ZNF423: variants seen among roughly 807,000 people sequenced by gnomAD.
ZNF423 encodes zinc finger protein 423.
A neutral mutation model predicts 95.8 loss-of-function variants in ZNF423; 12 were observed. The ratio of observed to expected loss-of-function variants is 0.13; its 90% CI spans 0.08 to 0.20. The LOEUF (loss-of-function observed/expected upper bound fraction) is 0.20, where lower values mean the gene tolerates loss of function less well. ZNF423 is among the 10% of genes least tolerant of loss of function. The pLI is 1.00. For missense variants in ZNF423, 1,316 were observed against 1,737.1 expected (o/e 0.76, Z 4.31); for synonymous variants, 749 against 711.9 (o/e 1.05, Z -0.83).
chr16:49,562,122 G>A (rs1970035814), intron 5 of ZNF423, among the ~76,000 whole-genome samples: 1 of 152,140 alleles, frequency 6.6e-6, no homozygotes, highest in Admixed American at 6.5e-5. Context: ...TCCCTATATA[G>A]TCTCCCCAAA....
At chr16:49,739,382 A>C (rs1457576079) in intron 2 of ZNF423, among the ~76,000 whole-genome samples, 1 of 152,146 alleles carries the variant, frequency 6.6e-6, no homozygotes. Context: ...CAGGAGGACA[A>C]GGAATGTCAT....
chr16:49,528,372 G>T (rs1968700605), intron 5 of ZNF423, among the ~76,000 whole-genome samples: 1 of 152,158 alleles, frequency 6.6e-6, no homozygotes, highest in African/African-American at 2.4e-5. Flanking sequence ...GGAGCTGCAA[G>T]CCGTCCGGGG....
chr16:49,710,319 C>T (rs1461431650), intron 3 of ZNF423, among the ~76,000 whole-genome samples: 7 of 152,208 alleles, frequency 4.6e-5, no homozygotes, highest in Non-Finnish European at 1.0e-4. Flanking sequence ...GCCTATCCTT[C>T]CTAAAGTCCT....
chr16:49,823,677 G>A (rs2034972936), intron 1 of ZNF423, among the ~76,000 whole-genome samples: 1 of 152,118 alleles, frequency 6.6e-6, no homozygotes, highest in Non-Finnish European at 1.5e-5. Flanking sequence ...GGAGGCAGAG[G>A]AGACAGTAAG....
At chr16:49,808,497 CA>C (rs2143944016) in intron 1 of ZNF423, among the ~76,000 whole-genome samples, 1 of 152,330 alleles carries the variant, frequency 6.6e-6, no homozygotes, top group East Asian at 1.9e-4. Context: ...GCCTCCGGTG[CA>C]ATGTCCCATT....
intron 1 of ZNF423, among the ~76,000 whole-genome samples, chr16:49,827,323 G>C (rs1372888720): frequency 6.6e-6 from 1 of 151,190 alleles, no homozygotes; most frequent in Non-Finnish European, 1.5e-5. Flanking sequence ...TTGTCTTCCT[G>C]AGCCCTCGTC....
intron 3 of ZNF423, among the ~76,000 whole-genome samples, chr16:49,653,088 A>G (rs1024164874): frequency 6.6e-6 from 1 of 152,172 alleles, no homozygotes. Context: ...GATAATCCAC[A>G]TATTTAACGC....
At chr16:49,723,016 T>C (rs1596921567) in intron 3 of ZNF423, among the ~76,000 whole-genome samples, 2 of 148,468 alleles carry the variant, frequency 1.3e-5, no homozygotes, top group Admixed American at 6.8e-5. Context: ...AATGCAGTGG[T>C]GTGATCTCGG....
chr16:49,741,608 G>A (rs923242609), intron 2 of ZNF423, among the ~76,000 whole-genome samples: 3 of 152,200 alleles, frequency 2.0e-5, no homozygotes, highest in Non-Finnish European at 4.4e-5. Flanking sequence ...CACAGTATGG[G>A]CTAAACAATA....
chr16:49,624,308 C>T (rs1432064352), intron 5 of ZNF423, among the ~76,000 whole-genome samples: 3 of 152,034 alleles, frequency 2.0e-5, no homozygotes, highest in African/African-American at 2.4e-5. Context: ...CCCAGAAATT[C>T]GGGAGGCTGA....
In ZNF423 at chr16:49,660,990, G is replaced by A. The variant is rs143416711; in HGVS notation, c.302-22116C>T. On this transcript the variant is annotated intron_variant, in intron 3 of 7. Transcript: ENST00000563137. Reference sequence around the variant, plus strand: ...AATCCCAGCACTTTGGGAGGCCAAGGAGGGTGGATCACCTGAGGTTAGGCG... The same window carrying A: ...AATCCCAGCACTTTGGGAGGCCAAGAAGGGTGGATCACCTGAGGTTAGGCG... Among the ~76,000 whole-genome samples the A allele has an allele frequency of 3.3e-3, 505 of 152,238 alleles. 5 individuals carry two copies. The highest frequency in any genetic ancestry group is 0.011 in the African/African-American group (469 of 41,548).
rs184997970 is a variant in ZNF423 at position 49,524,863 on chromosome 16, C to T, written c.3733+500G>A. On this transcript the variant is annotated intron_variant, in intron 6 of 7. Coordinates refer to ENST00000563137, the MANE Select transcript of ZNF423 (RefSeq NM_001379286.1). ...GGCTGGGACAGCCATTCGCCTGGGC[C>T]GGCAGCCAGTCTGGGGGCTGGGAAC... is the stretch of plus-strand genomic sequence containing the variant. Among the ~76,000 whole-genome samples the T allele has an allele frequency of 3.7e-3, 567 of 152,240 alleles. 5 individuals carry two copies. The highest frequency in any genetic ancestry group is 7.0e-3 in the Non-Finnish European group (473 of 68,008).
chr16:49,758,605 G>A (rs1477317476), intron 2 of ZNF423, among the ~76,000 whole-genome samples: 2 of 152,112 alleles, frequency 1.3e-5, no homozygotes, highest in African/African-American at 4.8e-5. Context: ...ATCCAGGCAT[G>A]GTGGCATGCA....
At chr16:49,746,681 A>C (rs2033530975) in intron 2 of ZNF423, among the ~76,000 whole-genome samples, 1 of 152,144 alleles carries the variant, frequency 6.6e-6, no homozygotes, top group African/African-American at 2.4e-5. Flanking sequence ...TTAGCTGGCC[A>C]GGCAGGTCTG....
Position 49,535,204 on chromosome 16 carries a change from C to T in ZNF423, c.3602-9710G>A, listed in dbSNP as rs74954110. ...CGGGGCCCAGCCTGGATGGGATTAC[C>T]AGTGGAGGCTCCTTCCAGCTCTGAG... On this transcript the variant is annotated intron_variant, in intron 5 of 7. Transcript: ENST00000563137. 1.2e-3 allele frequency among the ~76,000 whole-genome samples: 178 copies of T among 152,320 alleles called. 4 individuals are homozygous for T. The East Asian group carries it at 0.032, about 27-fold the overall frequency.
rs747416859 is a variant in ZNF423, at chr16:49,636,191, C to G, written c.2985G>C (p.Thr995=). 6.2e-7 allele frequency: 1 copy of G among 1,613,370 alleles called. No individual in the cohort carries two copies. The highest frequency in any genetic ancestry group is 1.1e-5 in the South Asian group (1 of 91,076). The part of the protein sequence containing the change: ...HKVTHSKSLD[T]GTCRICKMPL... ...GCATCTTGCAGATGCGACAGGTGCCCGTGTCCAGGCTCTTGCTGTGGGTCA... is the reference window on the plus strand; with the variant it reads ...GCATCTTGCAGATGCGACAGGTGCCGGTGTCCAGGCTCTTGCTGTGGGTCA... Residue 995 remains threonine, a synonymous_variant, in exon 4 of 8, where the codon ACG becomes ACC. Coordinates refer to ENST00000563137, the MANE Select transcript of ZNF423 (RefSeq NM_001379286.1). This position sits in a 1 kb window ranked among gnomAD's most constrained non-coding sequence, Gnocchi z 8.6.
rs68002485 is a variant in ZNF423 at position 49,709,168 on chromosome 16, T to TTTTTTATA, written c.301+21602_301+21603insTATAAAAA. Among the ~76,000 whole-genome samples, 20 of 93,458 alleles carry TTTTTTATA rather than the reference T, an allele frequency of 2.1e-4. 1 individual carries two copies. In the East Asian group the frequency reaches 2.5e-3, roughly 12 times the overall value. The allele number at this position is 93,458 out of a possible 152,430, so 61.3% of individuals were successfully genotyped here. On this transcript the variant is annotated intron_variant, in intron 3 of 7. Transcript: ENST00000563137. ...AAAAACTCAAACGTTCAGCAGCCGT[T>TTTTTTATA]TATATATATATATATGAAAACGGAG...
chr16:49,521,956 G>A (rs1313297273), intron 7 of ZNF423, among the ~76,000 whole-genome samples: 1 of 152,248 alleles, frequency 6.6e-6, no homozygotes, highest in Admixed American at 6.5e-5. Context: ...GGCAGTGTGG[G>A]TGGGCCACAG....
At chr16:49,851,640 C>T (rs2035303254) in intron 1 of ZNF423, among the ~76,000 whole-genome samples, 1 of 152,218 alleles carries the variant, frequency 6.6e-6, no homozygotes, top group Non-Finnish European at 1.5e-5. Flanking sequence ...GCTGCTTCTT[C>T]TGAATTACTT....
Sources: allele counts gnomAD v4.1 joint callset (sites outside exome capture counted in the v4.1 genomes callset), GRCh38; gene constraint gnomAD v4.1.1; non-coding constraint Gnocchi (gnomAD v3.1); transcripts MANE v1.5; gene names NCBI Gene and HGNC (gene_info 2026-07-23, HGNC 2026-07-21).